Variants in R3HDM2 observed in about 807,000 individuals in gnomAD.
The protein encoded by R3HDM2 is R3H domain containing 2.
Under a neutral mutation model 124.5 loss-of-function variants are expected in R3HDM2, and 38 were observed. The observed-to-expected ratio is 0.31, with a 90% CI of 0.24 to 0.40. The LOEUF is 0.40. R3HDM2 is among the 10% of genes least tolerant of loss of function. The probability of loss-of-function intolerance (pLI) is 1.00; values close to 1 mark genes in which losing one functional copy is unlikely to be tolerated. For missense variants in R3HDM2, 869 were observed against 1,236.9 expected, an observed-to-expected ratio of 0.70 and a Z score of 4.46; for synonymous variants, 391 against 448.0, an observed-to-expected ratio of 0.87 and a Z score of 1.61.
At chr12:57,334,993 T>G (rs7397189) in intron 2 of R3HDM2, among the ~76,000 whole-genome samples, 27,458 of 146,928 alleles carry the variant, frequency 0.19, 3,024 homozygotes, top group Admixed American at 0.28. Flanking sequence ...AAAAAAAAAG[T>G]TAGCTGGGTG....
chr12:57,386,122 A>C (rs2065705447), intron 2 of R3HDM2, among the ~76,000 whole-genome samples: 1 of 150,658 alleles, frequency 6.6e-6, no homozygotes, highest in South Asian at 2.1e-4. Flanking sequence ...GTTAACATGC[A>C]ATAGGTTTGA....
chr12:57,298,950 G>A (rs1293436410), intron 6 of R3HDM2, among the ~76,000 whole-genome samples: 2 of 151,870 alleles, frequency 1.3e-5, no homozygotes, highest in Admixed American at 1.3e-4. Flanking sequence ...GCGACAGAGG[G>A]AGACTCTGTC....
intron 2 of R3HDM2, among the ~76,000 whole-genome samples, chr12:57,353,950 G>T (rs1324659165): frequency 6.6e-6 from 1 of 152,036 alleles, no homozygotes; most frequent in Non-Finnish European, 1.5e-5. Flanking sequence ...CCACCTCTGG[G>T]TTCAAGCAAT....
chr12:57,254,816 T>G lies in R3HDM2; in HGVS notation c.2930A>C (p.Lys977Thr). 6.2e-7 allele frequency: 1 copy of G among 1,606,262 alleles called. No homozygotes were observed. The highest frequency in any genetic ancestry group is 1.1e-5 in the South Asian group (1 of 90,094). ...CTCCAGGATCCTCAGGTCATAGTTC[T>G]TTTTGGCCATTCGAAGTTTGAAGCG... ...VSRFKLRMAK[K>T]NYDLRILERA... Residue 977 changes from lysine to threonine, a missense_variant, in exon 24 of 24, where the codon AAG becomes ACG. This residue lies in a region of R3HDM2 where 602 missense variants were observed against 789.2 expected (regional missense o/e 0.76). Coordinates refer to ENST00000402412, the MANE Select transcript of R3HDM2 (RefSeq NM_001394031.1).
chr12:57,409,092 G>A (rs899823206), intron 1 of R3HDM2, among the ~76,000 whole-genome samples: 1 of 151,888 alleles, frequency 6.6e-6, no homozygotes, highest in Non-Finnish European at 1.5e-5. Flanking sequence ...TCTATAGCTA[G>A]CCAGTCAGTA....
At chr12:57,377,371 G>A (rs781779237) in intron 2 of R3HDM2, among the ~76,000 whole-genome samples, 5 of 151,974 alleles carry the variant, frequency 3.3e-5, no homozygotes, top group South Asian at 2.1e-4. Flanking sequence ...CTGAAGGAGC[G>A]TCATCACAGC....
intron 3 of R3HDM2, 26 bp from the exon 4 acceptor site, chr12:57,303,243 T>G (rs1224729916): frequency 1.3e-6 from 2 of 1,497,050 alleles, no homozygotes; most frequent in Admixed American, 2.0e-5. Context: ...TGGAAAATAT[T>G]AAAGGTGGAA....
At chr12:57,418,209 C>T (rs2069838245) in intron 1 of R3HDM2, 2 of 985,402 alleles carry the variant, frequency 2.0e-6, no homozygotes, top group Non-Finnish European at 2.4e-6. Flanking sequence ...ATCCACAATT[C>T]CTCCCCTCTT....
chr12:57,381,808 T>TAGAGAG (rs377725699), intron 2 of R3HDM2, among the ~76,000 whole-genome samples: 1 of 149,138 alleles, frequency 6.7e-6, no homozygotes, highest in African/African-American at 2.5e-5. Flanking sequence ...GGGATAGAGA[T>TAGAGAG]AGAGAGAGAG....
In R3HDM2 at chr12:57,322,910, A is replaced by G. The variant is rs563317852; in HGVS notation, c.-35-12447T>C. Among the ~76,000 whole-genome samples the G allele has an allele frequency of 5.3e-5, 8 of 152,296 alleles. No homozygotes were observed. In the East Asian group the frequency reaches 1.3e-3, roughly 26 times the overall value. On this transcript the variant is annotated intron_variant, in intron 2 of 23. Transcript: ENST00000402412. ...GGCCTCTGAGTACCAGTGGGGGAACATATTTTTGAAATAAAAAATTAGACT... is the reference window on the plus strand; with the variant it reads ...GGCCTCTGAGTACCAGTGGGGGAACGTATTTTTGAAATAAAAAATTAGACT...
Position 57,254,372 on chromosome 12 carries a change from G to A in R3HDM2, c.*401C>T, listed in dbSNP as rs1363158528. On this transcript the variant is annotated 3_prime_UTR_variant, in exon 24 of 24. Transcript: ENST00000402412. ...AAAAATTAGCCGGGCATGGTGGCGC[G>A]TGTCTGTAGTGCCAGCTACTTGGGA... is the stretch of plus-strand genomic sequence containing the variant. The A allele has an allele frequency of 1.7e-5, 7 of 406,644 alleles. No individual in the cohort carries two copies. The highest frequency in any genetic ancestry group is 4.2e-5 in the African/African-American group (2 of 47,202). 25.2% of individuals were successfully genotyped at this position (406,644 alleles called of 1,614,324 possible). A position where few individuals can be genotyped will look rare whatever the true frequency, so the allele number is the denominator to read the frequency against.
At chr12:57,431,109 G>C (rs1178108089), upstream of R3HDM2, 3 of 152,216 alleles carry the variant, frequency 2.0e-5, no homozygotes, top group East Asian at 5.8e-4. Context: ...CTTCCCGCGT[G>C]CCCCTCAGCA....
chr12:57,300,846 G>A (rs560492238), intron 4 of R3HDM2, among the ~76,000 whole-genome samples: 54 of 152,276 alleles, frequency 3.5e-4, no homozygotes, highest in African/African-American at 1.3e-3. Context: ...GCTCACACCT[G>A]TAAACCTGGC....
intron 2 of R3HDM2, among the ~76,000 whole-genome samples, chr12:57,319,821 G>A (rs7975634): frequency 0.37 from 55,907 of 151,906 alleles, 11,706 homozygotes; most frequent in Middle Eastern, 0.75. Context: ...TTAGGCTGAG[G>A]CTCTCTTTTG....
intron 3 of R3HDM2, chr12:57,305,798 A>G (rs1392056292): frequency 5.1e-6 from 2 of 394,062 alleles, no homozygotes; most frequent in Non-Finnish European, 4.5e-6. Context: ...ATACATTTAC[A>G]GATATTGAGT....
At chr12:57,372,529 G>A (rs930093603) in intron 2 of R3HDM2, among the ~76,000 whole-genome samples, 1 of 152,102 alleles carries the variant, frequency 6.6e-6, no homozygotes, top group African/African-American at 2.4e-5. Flanking sequence ...AAACTCTAAT[G>A]TACTTCCTCA....
At chr12:57,327,102 A>G (rs1308948307) in intron 2 of R3HDM2, among the ~76,000 whole-genome samples, 1 of 152,198 alleles carries the variant, frequency 6.6e-6, no homozygotes, top group Non-Finnish European at 1.5e-5. Flanking sequence ...GCCTGCTAAC[A>G]TAACATGTAT....
chr12:57,300,354 T>G (rs1340878574), intron 4 of R3HDM2, among the ~76,000 whole-genome samples, 173 bp from the exon 5 acceptor site: 1 of 152,206 alleles, frequency 6.6e-6, no homozygotes, highest in African/African-American at 2.4e-5. Context: ...CACCAGTTCC[T>G]GATTCACTTG....
intron 21 of R3HDM2, 72 bp from the exon 22 acceptor site, chr12:57,256,583 G>T: frequency 1.7e-6 from 2 of 1,168,576 alleles, no homozygotes; most frequent in Non-Finnish European, 2.4e-6. Context: ...ACTTCAAGGG[G>T]CTTTGGAGAC....
Sources: allele counts gnomAD v4.1 joint callset (sites outside exome capture counted in the v4.1 genomes callset), GRCh38; gene constraint gnomAD v4.1.1; regional missense constraint gnomAD v4.1.1; transcripts MANE v1.5; gene names NCBI Gene and HGNC (gene_info 2026-07-23, HGNC 2026-07-21).